KIAA1958: variants seen among roughly 807,000 people sequenced by gnomAD.
KIAA1958 encodes the protein uncharacterized protein KIAA1958.
A neutral mutation model predicts 47.2 loss-of-function variants in KIAA1958; 14 were observed. The observed-to-expected ratio is 0.30, with a 90% confidence interval of 0.20 to 0.46. The LOEUF (loss-of-function observed/expected upper bound fraction) is 0.46. Among genes scored for constraint, KIAA1958 ranks in the 20% least tolerant of loss-of-function variants. The pLI, the probability that KIAA1958 is intolerant of heterozygous loss-of-function variation, is 1.00. For synonymous variants in KIAA1958, 354 were observed against 353.3 expected (o/e 1.00, Z -0.02); for missense variants, 803 against 909.2 (o/e 0.88, Z 1.50).
At position 112,583,038 on chromosome 9, in the gene KIAA1958, G is replaced by A. The variant is rs138513039; in HGVS notation, c.1171+7787G>A. Among the ~76,000 whole-genome samples the A allele has an allele frequency of 7.1e-4, 108 of 152,352 alleles. 1 individual carries two copies. The highest frequency in any genetic ancestry group is 2.5e-3 in the African/African-American group (106 of 41,590). On this transcript the variant is annotated intron_variant, in intron 2 of 3. Transcript: ENST00000337530. ...TATGCGCATTAGAGCTTGAGAAGCAGTGATCTAGGAAATTCAGGTTACAGC... is the reference window on the plus strand; with the variant it reads ...TATGCGCATTAGAGCTTGAGAAGCAATGATCTAGGAAATTCAGGTTACAGC...
At chr9:112,504,655 CATAAAG>C (rs1333766603) in intron 1 of KIAA1958, among the ~76,000 whole-genome samples, 1 of 152,036 alleles carries the variant, frequency 6.6e-6, no homozygotes, top group Non-Finnish European at 1.5e-5. Flanking sequence ...CTAATCTTAT[CATAAAG>C]ATAAGATTAT....
intron 2 of KIAA1958, among the ~76,000 whole-genome samples, chr9:112,581,029 G>A (rs186366933): frequency 1.3e-5 from 2 of 152,190 alleles, no homozygotes; most frequent in East Asian, 1.9e-4. Context: ...CTGGCCACCC[G>A]GAGCTTAGAG....
rs527436732 is a variant in KIAA1958, at chr9:112,624,345, A to G, written c.1172-21305A>G. Reference sequence around the variant, plus strand: ...CCTCAATCGTTGTTTAGTGCATGGTATTCAAACATTGCTTTCCCTTCCCAC... The same window carrying G: ...CCTCAATCGTTGTTTAGTGCATGGTGTTCAAACATTGCTTTCCCTTCCCAC... On this transcript the variant is annotated intron_variant, in intron 2 of 3. Coordinates refer to ENST00000337530, the MANE Select transcript of KIAA1958 (RefSeq NM_133465.4). 1.3e-3 allele frequency among the ~76,000 whole-genome samples: 194 copies of G among 152,346 alleles called. 1 individual carries two copies. The highest frequency in any genetic ancestry group is 4.3e-3 in the African/African-American group (180 of 41,588).
intron 2 of KIAA1958, among the ~76,000 whole-genome samples, chr9:112,640,330 C>G (rs189775200): frequency 2.0e-5 from 3 of 152,272 alleles, no homozygotes; most frequent in Admixed American, 6.5e-5. Flanking sequence ...TGGAAGGCCC[C>G]CACCTGAATT....
intron 1 of KIAA1958, among the ~76,000 whole-genome samples, chr9:112,543,824 C>T (rs1281302262): frequency 2.6e-5 from 4 of 152,084 alleles, no homozygotes; most frequent in African/African-American, 7.2e-5. Context: ...CCACCCGCCT[C>T]GGCCTCCCAC....
At chr9:112,609,909 T>C (rs950070549) in intron 2 of KIAA1958, among the ~76,000 whole-genome samples, 1 of 152,122 alleles carries the variant, frequency 6.6e-6, no homozygotes, top group African/African-American at 2.4e-5. Context: ...GTGGAGAGAA[T>C]GGACATCTTG....
intron 1 of KIAA1958, among the ~76,000 whole-genome samples, chr9:112,516,880 G>A (rs113844764): frequency 6.6e-6 from 1 of 152,222 alleles, no homozygotes; most frequent in Non-Finnish European, 1.5e-5. Context: ...TGTGGTGGAA[G>A]ATTTATGGAC....
At position 112,610,643 on chromosome 9, in the gene KIAA1958, C is replaced by T. The variant is rs139769461; in HGVS notation, c.1172-35007C>T. On this transcript the variant is annotated intron_variant, in intron 2 of 3. Coordinates refer to ENST00000337530, the MANE Select transcript of KIAA1958 (RefSeq NM_133465.4). ...ACTGTAAATTAACAAAGAGCTAAGCCTCTTCTCCTCACAACCCCTCCAGGA... is the reference window on the plus strand; with the variant it reads ...ACTGTAAATTAACAAAGAGCTAAGCTTCTTCTCCTCACAACCCCTCCAGGA... Among the ~76,000 whole-genome samples, 485 of 152,224 alleles carry T rather than the reference C, an allele frequency of 3.2e-3. 3 individuals carry two copies. The highest frequency in any genetic ancestry group is 0.011 in the African/African-American group (458 of 41,538).
chr9:112,630,462 A>C (rs535579432), intron 2 of KIAA1958, among the ~76,000 whole-genome samples: 2 of 152,328 alleles, frequency 1.3e-5, no homozygotes, highest in South Asian at 4.1e-4. Context: ...CCTGGACAAC[A>C]AAGGGAGACT....
chr9:112,490,910 A>G (rs559138214), intron 1 of KIAA1958, among the ~76,000 whole-genome samples: 20 of 152,244 alleles, frequency 1.3e-4, no homozygotes, highest in Non-Finnish European at 2.1e-4. Context: ...TGATATTCTT[A>G]TACTGAAAGG....
intron 2 of KIAA1958, among the ~76,000 whole-genome samples, chr9:112,611,606 A>T (rs544795294): frequency 7.9e-5 from 12 of 152,212 alleles, no homozygotes; most frequent in Non-Finnish European, 1.6e-4. Context: ...AATGAACAAT[A>T]TGGCAATAAT....
intron 2 of KIAA1958, among the ~76,000 whole-genome samples, chr9:112,600,121 C>G (rs1358922946): frequency 1.3e-5 from 2 of 152,182 alleles, no homozygotes; most frequent in Non-Finnish European, 2.9e-5. Flanking sequence ...TTCTCTTGTT[C>G]TACTCTTCTT....
chr9:112,560,000 A>G (rs1835299353), intron 1 of KIAA1958, among the ~76,000 whole-genome samples: 1 of 152,152 alleles, frequency 6.6e-6, no homozygotes, highest in Non-Finnish European at 1.5e-5. Context: ...TATAAATTAA[A>G]AAACATGAAT....
At chr9:112,641,559 A>G (rs565367325) in intron 2 of KIAA1958, among the ~76,000 whole-genome samples, 8 of 151,616 alleles carry the variant, frequency 5.3e-5, no homozygotes, top group African/African-American at 1.2e-4. Context: ...TTAATATCCT[A>G]AAGTTTCAAA....
intron 1 of KIAA1958, among the ~76,000 whole-genome samples, chr9:112,565,647 G>T (rs1835415531): frequency 6.6e-6 from 1 of 152,096 alleles, no homozygotes; most frequent in African/African-American, 2.4e-5. Context: ...ATTTCAATTT[G>T]TATGAAACTT....
chr9:112,613,124 A>G (rs1307745905), intron 2 of KIAA1958, among the ~76,000 whole-genome samples: 1 of 152,158 alleles, frequency 6.6e-6, no homozygotes, highest in African/African-American at 2.4e-5. Context: ...TGAAGAGGGA[A>G]ACTTGGTAAC....
intron 2 of KIAA1958, among the ~76,000 whole-genome samples, chr9:112,642,356 C>T (rs1246114052): frequency 6.6e-6 from 1 of 152,224 alleles, no homozygotes; most frequent in African/African-American, 2.4e-5. Flanking sequence ...TGAGAGATGG[C>T]AGCGTTCAGG....
intron 3 of KIAA1958, among the ~76,000 whole-genome samples, chr9:112,649,128 A>G (rs1439810487): frequency 2.0e-5 from 3 of 152,182 alleles, no homozygotes; most frequent in Non-Finnish European, 4.4e-5. Context: ...AGCAATAGTA[A>G]CTATGTAAAA....
At chr9:112,513,583 G>C (rs888894076) in intron 1 of KIAA1958, among the ~76,000 whole-genome samples, 16 of 131,380 alleles carry the variant, frequency 1.2e-4, no homozygotes, top group African/African-American at 3.4e-4. Flanking sequence ...CTGCAGATAC[G>C]AAGCGGAGCC....
Sources: allele counts gnomAD v4.1 joint callset (sites outside exome capture counted in the v4.1 genomes callset), GRCh38; gene constraint gnomAD v4.1.1; transcripts MANE v1.5; gene names NCBI Gene and HGNC (gene_info 2026-07-23, HGNC 2026-07-21).